Variants in WDR72 observed in about 807,000 individuals in gnomAD.
WDR72 encodes WD repeat domain 72.
WDR72 carries 120 observed loss-of-function variants against 124.2 expected under a neutral mutation model. The observed-to-expected ratio is 0.97, with a 90% confidence interval of 0.83 to 1.12. WDR72 has a LOEUF of 1.12. Among genes scored for constraint, WDR72 ranks in the 50% most tolerant of loss-of-function variants. The pLI is 0.00. For missense variants in WDR72, 1,387 were observed against 1,278.8 expected, an observed-to-expected ratio of 1.08 and a Z score of -1.29; for synonymous variants, 452 against 441.7, an observed-to-expected ratio of 1.02 and a Z score of -0.29.
intron 2 of WDR72, among the ~76,000 whole-genome samples, chr15:53,726,260 G>GTATATATATATATATATATA (rs1248769795): frequency 1.1e-5 from 1 of 94,296 alleles, no homozygotes; most frequent in African/African-American, 6.4e-5. Context: ...ATATATGTAT[G>GTATATATATATATATATATA]TGTGTATATA....
At chr15:53,645,404 C>A (rs950621357) in intron 14 of WDR72, among the ~76,000 whole-genome samples, 2 of 152,116 alleles carry the variant, frequency 1.3e-5, no homozygotes, top group Admixed American at 6.6e-5. Context: ...GGCTAATGGA[C>A]AAACTGCTCA....
chr15:53,634,512 A>C (rs1659539913), intron 14 of WDR72, among the ~76,000 whole-genome samples: 2 of 152,182 alleles, frequency 1.3e-5, no homozygotes, highest in Admixed American at 1.3e-4. Flanking sequence ...AAATGCAAAA[A>C]ACTTACAACA....
chr15:53,570,477 A>G (rs1340957354), intron 18 of WDR72, among the ~76,000 whole-genome samples: 1 of 152,156 alleles, frequency 6.6e-6, no homozygotes, highest in African/African-American at 2.4e-5. Context: ...GCCAATAAAC[A>G]TGAAAAAATG....
chr15:53,610,301 T>G (rs2013483801), intron 16 of WDR72, among the ~76,000 whole-genome samples: 1 of 152,066 alleles, frequency 6.6e-6, no homozygotes, highest in South Asian at 2.1e-4. Flanking sequence ...ACTTAATAAG[T>G]GCCTTTTCAT....
intron 5 of WDR72, among the ~76,000 whole-genome samples, chr15:53,714,794 G>A (rs554929741): frequency 2.2e-3 from 340 of 152,222 alleles, no homozygotes; most frequent in Non-Finnish European, 4.1e-3. Context: ...TAAGTGAGGC[G>A]CCAACTTCCA....
rs1271342951 is a variant in WDR72, at chr15:53,515,814, T to TGTTTC, written c.*1880_*1884dup. ...AACTATTAAAACCTATTGTTATTCT[T>TGTTTC]GTTTCTAAAAGGGAATAATAGGATG... On this transcript the variant is annotated 3_prime_UTR_variant, in exon 20 of 20. Transcript: ENST00000360509. 6.6e-6 allele frequency: 1 copy of TGTTTC among 152,178 alleles called. No homozygotes were observed. Among genetic ancestry groups the TGTTTC allele is most frequent in the African/African-American group, 2.4e-5 (1 of 41,452 alleles). The allele number at this position is 152,178 out of a possible 1,614,324, so 9.4% of individuals were successfully genotyped here.
intron 18 of WDR72, among the ~76,000 whole-genome samples, chr15:53,576,299 T>C (rs148256034): frequency 4.8e-4 from 73 of 152,248 alleles, no homozygotes; most frequent in Non-Finnish European, 5.1e-4. Context: ...GAAAGGAGTT[T>C]CAGCTGTTAG....
chr15:53,719,158 T>C (rs1013743380), intron 3 of WDR72, among the ~76,000 whole-genome samples: 1 of 152,202 alleles, frequency 6.6e-6, no homozygotes, highest in Non-Finnish European at 1.5e-5. Flanking sequence ...GATCAAACTT[T>C]AATGAAGTGT....
intron 18 of WDR72, among the ~76,000 whole-genome samples, chr15:53,543,638 T>TA (rs952228763): frequency 1.3e-5 from 2 of 150,716 alleles, no homozygotes; most frequent in Non-Finnish European, 3.0e-5. Flanking sequence ...AAGAAATAAC[T>TA]AAAATCAGAG....
intron 3 of WDR72, among the ~76,000 whole-genome samples, chr15:53,717,388 T>C (rs8028888): frequency 0.042 from 6,452 of 152,180 alleles, 472 homozygotes; most frequent in African/African-American, 0.15. Context: ...ATAAGCAAAA[T>C]TTTCCATGCA....
At chr15:53,581,147 G>C (rs1203398241) in intron 18 of WDR72, among the ~76,000 whole-genome samples, 1 of 152,010 alleles carries the variant, frequency 6.6e-6, no homozygotes, top group East Asian at 1.9e-4. Context: ...TCATTGATTA[G>C]AGAGCGAGAG....
intron 18 of WDR72, among the ~76,000 whole-genome samples, chr15:53,536,094 TTGG>T (rs1207122249): frequency 3.9e-5 from 6 of 152,186 alleles, no homozygotes; most frequent in South Asian, 2.1e-4. Flanking sequence ...CAGCTGGGAC[TTGG>T]TGGCTTGCTT....
At chr15:53,707,592 G>A (rs992147536) in intron 9 of WDR72, among the ~76,000 whole-genome samples, 3 of 151,970 alleles carry the variant, frequency 2.0e-5, no homozygotes, top group South Asian at 4.2e-4. Context: ...GACTACAGGC[G>A]CCCGCCACCA....
At chr15:53,759,042 C>A (rs1033087742) in intron 1 of WDR72, among the ~76,000 whole-genome samples, 1 of 151,972 alleles carries the variant, frequency 6.6e-6, no homozygotes, top group African/African-American at 2.4e-5. Context: ...TCTTTATTGC[C>A]GACTCAGCCC....
At chr15:53,619,871 A>G (rs1263642681) in intron 14 of WDR72, among the ~76,000 whole-genome samples, 1 of 152,034 alleles carries the variant, frequency 6.6e-6, no homozygotes, top group Non-Finnish European at 1.5e-5. Context: ...AAAATAGCTT[A>G]CTCTTTATTT....
intron 1 of WDR72, among the ~76,000 whole-genome samples, chr15:53,746,488 C>G (rs944726790): frequency 6.6e-6 from 1 of 152,120 alleles, no homozygotes. Flanking sequence ...AGAATAAACA[C>G]TAAGAGGAAA....
intron 18 of WDR72, among the ~76,000 whole-genome samples, chr15:53,545,305 C>A (rs1046695260): frequency 1.3e-5 from 2 of 151,194 alleles, no homozygotes; most frequent in Admixed American, 6.6e-5. Flanking sequence ...GTACTGGTAC[C>A]GAAACAGAGA....
intron 16 of WDR72, among the ~76,000 whole-genome samples, chr15:53,612,367 G>T (rs556994028): frequency 6.6e-6 from 1 of 152,094 alleles, no homozygotes; most frequent in Non-Finnish European, 1.5e-5. Context: ...TAGTGAAGAG[G>T]CTTATGGAGA....
At chr15:53,746,015 A>T (rs2018635748) in intron 1 of WDR72, among the ~76,000 whole-genome samples, 1 of 152,142 alleles carries the variant, frequency 6.6e-6, no homozygotes. Context: ...AAAAAGAAAA[A>T]AATCAAGCAA....
Sources: allele counts gnomAD v4.1 joint callset (sites outside exome capture counted in the v4.1 genomes callset), GRCh38; gene constraint gnomAD v4.1.1; transcripts MANE v1.5; gene names NCBI Gene and HGNC (gene_info 2026-07-23, HGNC 2026-07-21).